BLMH: variants seen among roughly 807,000 people sequenced by gnomAD.
BLMH encodes the protein BLM hydrolase.
BLMH carries 32 observed loss-of-function variants against 61.6 expected under a neutral mutation model. The ratio of observed to expected loss-of-function variants is 0.52; its 90% confidence interval spans 0.39 to 0.70. The LOEUF (loss-of-function observed/expected upper bound fraction) is 0.70, where lower values mean the gene tolerates loss of function less well. BLMH is among the 30% of genes least tolerant of loss of function. BLMH has a pLI of 0.00. For synonymous variants in BLMH, 183 were observed against 193.8 expected (o/e 0.94, Z 0.46); for missense variants, 460 against 555.5 (o/e 0.83, Z 1.73).
Position 30,248,596 on chromosome 17 carries a change from C to CA in BLMH, c.*420dup, listed in dbSNP as rs916298962. On this transcript the variant is annotated 3_prime_UTR_variant, in exon 12 of 12. Transcript: ENST00000261714. ...CCAGCAGCATGCAGTTCCGAGAGCT[C>CA]AACTCTTAGGCCACCCTCCCTCCAC... is the stretch of plus-strand genomic sequence containing the variant. 1.2e-5 allele frequency: 2 copies of CA among 163,786 alleles called. No homozygotes were observed. Among genetic ancestry groups the CA allele is most frequent in the African/African-American group, 4.8e-5 (2 of 41,578 alleles). The allele number at this position is 163,786 out of a possible 1,614,324, so 10.1% of individuals were successfully genotyped here. A position where few individuals can be genotyped will look rare whatever the true frequency, so the allele number is the denominator to read the frequency against.
intron 10 of BLMH, among the ~76,000 whole-genome samples, chr17:30,270,202 T>C (rs1307832149): frequency 6.6e-6 from 1 of 152,206 alleles, no homozygotes; most frequent in Non-Finnish European, 1.5e-5. Context: ...AACAATTCTC[T>C]ATCAAACCAT....
At chr17:30,262,599 C>T (rs1325043273) in intron 11 of BLMH, among the ~76,000 whole-genome samples, 1 of 152,108 alleles carries the variant, frequency 6.6e-6, no homozygotes. Flanking sequence ...TCGAGACCAT[C>T]CTGGCTAACA....
intron 10 of BLMH, among the ~76,000 whole-genome samples, chr17:30,268,688 C>A (rs1440114387): frequency 2.0e-5 from 3 of 151,608 alleles, no homozygotes; most frequent in East Asian, 1.9e-4. Context: ...CTGAATTTTT[C>A]TTGGAAATTA....
chr17:30,275,424 G>T (rs1465085913), intron 6 of BLMH, among the ~76,000 whole-genome samples: 3 of 152,188 alleles, frequency 2.0e-5, no homozygotes, highest in Non-Finnish European at 4.4e-5. Flanking sequence ...ACTTTGGGAG[G>T]CTGAGGCAGG....
intron 6 of BLMH, among the ~76,000 whole-genome samples, chr17:30,283,791 A>C (rs1044602894): frequency 6.6e-6 from 1 of 152,122 alleles, no homozygotes; most frequent in African/African-American, 2.4e-5. Context: ...AAGTGCTGAG[A>C]CTGCAGGCAT....
At chr17:30,270,778 G>A (rs908398737) in intron 10 of BLMH, among the ~76,000 whole-genome samples, 8 of 152,238 alleles carry the variant, frequency 5.3e-5, no homozygotes, top group East Asian at 3.9e-4. Flanking sequence ...TATTTCACAG[G>A]AAATTCAAAA....
chr17:30,291,649 C>T, intron 1 of BLMH, 141 bp from the exon 2 acceptor site: 1 of 1,379,516 alleles, frequency 7.2e-7, no homozygotes, highest in Non-Finnish European at 9.7e-7. Context: ...GCATCCTCCT[C>T]CAAGGAGCTG....
In BLMH at chr17:30,265,845, G is replaced by A. The variant is rs550844708; in HGVS notation, c.1216+1040C>T. Among the ~76,000 whole-genome samples the A allele has an allele frequency of 5.3e-5, 8 of 152,138 alleles. No homozygotes were observed. In the East Asian group the frequency reaches 9.7e-4, roughly 18 times the overall value. On this transcript the variant is annotated intron_variant, in intron 11 of 11. Transcript: ENST00000261714. ...GGTTTGGAACCCTAAAAATTAAAGC[G>A]TAAAATCTCTTTCAAAAGCTATTAC... is the stretch of plus-strand genomic sequence containing the variant.
chr17:30,290,638 C>T (rs11080123), intron 2 of BLMH, among the ~76,000 whole-genome samples: 4,962 of 152,192 alleles, frequency 0.033, 118 homozygotes, highest in East Asian at 0.074. Context: ...TTAAAAAATC[C>T]GTTTAGTACA....
intron 11 of BLMH, among the ~76,000 whole-genome samples, chr17:30,260,447 G>A (rs894609184): frequency 3.3e-5 from 5 of 152,180 alleles, no homozygotes; most frequent in Non-Finnish European, 7.3e-5. Flanking sequence ...AATAATGATA[G>A]CCCTCTCTTA....
intron 1 of BLMH, 53 bp downstream of exon 1, chr17:30,291,754 G>A (rs1030643750): frequency 6.3e-6 from 9 of 1,423,202 alleles, no homozygotes; most frequent in Non-Finnish European, 8.2e-6. Flanking sequence ...CGGGCCTCAC[G>A]GGGACCGCGG....
intron 11 of BLMH, among the ~76,000 whole-genome samples, chr17:30,266,492 TC>T (rs1443684807): frequency 2.9e-4 from 37 of 129,024 alleles, no homozygotes; most frequent in African/African-American, 1.0e-3. Context: ...GTCACTGCAC[TC>T]CAGCCTGGGC....
chr17:30,253,722 G>C (rs1907736293), intron 11 of BLMH, among the ~76,000 whole-genome samples: 1 of 152,114 alleles, frequency 6.6e-6, no homozygotes, highest in African/African-American at 2.4e-5. Flanking sequence ...GGATCCCAAG[G>C]TTACACTGAG....
chr17:30,281,412 T>C (rs1489095791), intron 6 of BLMH, among the ~76,000 whole-genome samples: 1 of 152,048 alleles, frequency 6.6e-6, no homozygotes, highest in Non-Finnish European at 1.5e-5. Flanking sequence ...TAAAGTCTGA[T>C]GGCACTACTT....
rs530988945 is a variant in BLMH at position 30,248,250 on chromosome 17, G to T, written c.*767C>A. 1 of 152,650 alleles carries T rather than the reference G, an allele frequency of 6.6e-6. No homozygotes were observed. The highest frequency in any genetic ancestry group is 2.1e-4 in the South Asian group (1 of 4,826). The allele number at this position is 152,650 out of a possible 1,614,324, so 9.5% of individuals were successfully genotyped here. A position where few individuals can be genotyped will look rare whatever the true frequency, so the allele number is the denominator to read the frequency against. Reference sequence around the variant, plus strand: ...TTCAAAAGCTTCTCAGCACCATCTAGTTATCAGAAAGAATGGATATCACCT... The same window carrying T: ...TTCAAAAGCTTCTCAGCACCATCTATTTATCAGAAAGAATGGATATCACCT... On this transcript the variant is annotated 3_prime_UTR_variant, in exon 12 of 12. Coordinates refer to ENST00000261714, the MANE Select transcript of BLMH (RefSeq NM_000386.4).
At chr17:30,258,803 C>A (rs544929358) in intron 11 of BLMH, among the ~76,000 whole-genome samples, 2 of 152,280 alleles carry the variant, frequency 1.3e-5, no homozygotes, top group African/African-American at 4.8e-5. Flanking sequence ...TTCTCTCACC[C>A]CAAACTATCG....
chr17:30,267,252 G>A (rs1908137621), intron 10 of BLMH, among the ~76,000 whole-genome samples: 1 of 152,038 alleles, frequency 6.6e-6, no homozygotes. Context: ...ACATAAAATA[G>A]GCATGTAAAA....
intron 5 of BLMH, 131 bp downstream of exon 5, chr17:30,286,683 T>G (rs1428337816): frequency 1.7e-6 from 1 of 605,092 alleles, no homozygotes; most frequent in African/African-American, 2.0e-5. Context: ...TACATTGCTT[T>G]TGACAGACAT....
At chr17:30,288,175 C>G (rs1255791354) in intron 3 of BLMH, 1 of 412,308 alleles carries the variant, frequency 2.4e-6, no homozygotes, top group Non-Finnish European at 4.3e-6. Context: ...CTGAAACAAG[C>G]ACCATAATAA....
Sources: allele counts gnomAD v4.1 joint callset (sites outside exome capture counted in the v4.1 genomes callset), GRCh38; gene constraint gnomAD v4.1.1; transcripts MANE v1.5; gene names NCBI Gene and HGNC (gene_info 2026-07-23, HGNC 2026-07-21).